Variants in ZNF761 observed in about 807,000 individuals in gnomAD.
ZNF761 encodes zinc finger protein 761.
ZNF761 carries 43 observed loss-of-function variants against 59.9 expected under a neutral mutation model. That is an observed-to-expected ratio of 0.72 (90% CI 0.56 to 0.92). The LOEUF is 0.92. Ranked by LOEUF, ZNF761 falls within the 40% of genes least tolerant of loss-of-function variation. The pLI is 0.00. For missense variants in ZNF761, 850 were observed against 906.1 expected, an observed-to-expected ratio of 0.94 and a Z score of 0.79; for synonymous variants, 294 against 304.8, an observed-to-expected ratio of 0.96 and a Z score of 0.37.
At chr19:53,436,891 T>G (rs11671854) in intron 1 of ZNF761, among the ~76,000 whole-genome samples, 12,141 of 152,206 alleles carry the variant, frequency 0.08, 859 homozygotes, top group African/African-American at 0.18. Flanking sequence ...ATAAGCAAGT[T>G]TTCACAAGGC....
At chr19:53,437,374 T>C (rs2086054585) in intron 1 of ZNF761, among the ~76,000 whole-genome samples, 1 of 152,210 alleles carries the variant, frequency 6.6e-6, no homozygotes, top group Non-Finnish European at 1.5e-5. Context: ...GTTTTTCTTA[T>C]ATGATTTTCT....
At chr19:53,445,980 G>A (rs2086155153) in intron 1 of ZNF761, among the ~76,000 whole-genome samples, 1 of 152,278 alleles carries the variant, frequency 6.6e-6, no homozygotes, top group Admixed American at 6.5e-5. Flanking sequence ...AGTCACATTT[G>A]CTTTTCTGTT....
chr19:53,457,445 A>C lies in ZNF761; in HGVS notation c.*697A>C. ...GATAGTGGCAAAGCCTTCACTTCAC[A>C]CCTCATGAGACATCAGAGAATGCAT... On this transcript the variant is annotated 3_prime_UTR_variant, in exon 5 of 5. Coordinates refer to ENST00000684525, the MANE Select transcript of ZNF761 (RefSeq NM_001289951.2). 1 of 400,978 alleles carries C rather than the reference A, an allele frequency of 2.5e-6. No individual in the cohort carries two copies. The highest frequency in any genetic ancestry group is 5.0e-6 in the Non-Finnish European group (1 of 201,750). The allele number at this position is 400,978 out of a possible 1,614,324, so 24.8% of individuals were successfully genotyped here.
chr19:53,445,982 TTTTCTGTTTTCC>T, intron 1 of ZNF761, among the ~76,000 whole-genome samples: 1 of 152,174 alleles, frequency 6.6e-6, no homozygotes, highest in South Asian at 2.1e-4. Context: ...TCACATTTGC[TTTTCTGTTTTCC>T]CAGATATCAA....
intron 1 of ZNF761, among the ~76,000 whole-genome samples, chr19:53,433,517 C>T (rs2086001280): frequency 1.9e-5 from 2 of 107,278 alleles, no homozygotes; most frequent in South Asian, 5.9e-4. Flanking sequence ...TTAACCCTTG[C>T]CTTGCCTGTT....
At chr19:53,444,812 C>T (rs544963874) in intron 1 of ZNF761, 3 of 152,260 alleles carry the variant, frequency 2.0e-5, no homozygotes, top group African/African-American at 7.2e-5. Flanking sequence ...AGCCTTCCAC[C>T]CTTTGGCACA....
At chr19:53,449,940 A>G in intron 4 of ZNF761, 1 of 548,838 alleles carries the variant, frequency 1.8e-6, no homozygotes, top group South Asian at 3.3e-5. Context: ...GATCCTCCTC[A>G]GTCTCCCAAG....
rs781387895 is a variant in ZNF761, at chr19:53,456,449, A to G, written c.1942A>G (p.Asn648Asp). 4 of 1,613,474 alleles carry G rather than the reference A, an allele frequency of 2.5e-6. No homozygotes were observed. Among genetic ancestry groups the G allele is most frequent in the South Asian group, 1.1e-5 (1 of 91,016 alleles). ...ECDKAFRVKSNLEGHRRIHTG... is the reference protein window; with the variant it reads ...ECDKAFRVKSDLEGHRRIHTG... ...TGACAAAGCTTTCCGTGTGAAATCA[A>G]ACCTTGAAGGACATAGGAGAATTCA... The change falls in exon 5 of 5, where the codon AAC becomes GAC. Residue 648 changes from asparagine (N) to aspartate (D), a missense_variant. Transcript: ENST00000684525.
chr19:53,452,797 CGAG>C (rs2086232777), intron 4 of ZNF761, among the ~76,000 whole-genome samples: 1 of 152,198 alleles, frequency 6.6e-6, no homozygotes, highest in South Asian at 2.1e-4. Flanking sequence ...GTCCTATTCA[CGAG>C]TAGTCAACAC....
intron 1 of ZNF761, among the ~76,000 whole-genome samples, chr19:53,433,026 G>A (rs368759047): frequency 6.8e-6 from 1 of 146,312 alleles, no homozygotes; most frequent in African/African-American, 2.6e-5. Flanking sequence ...GGGATCTGGG[G>A]TGCTAGAGAG....
At chr19:53,451,447 G>T (rs2086220829) in intron 4 of ZNF761, among the ~76,000 whole-genome samples, 1 of 152,134 alleles carries the variant, frequency 6.6e-6, no homozygotes, top group African/African-American at 2.4e-5. Context: ...GCCCTCAACT[G>T]ATCCACCAAC....
chr19:53,453,767 T>G (rs1458935235), intron 4 of ZNF761, among the ~76,000 whole-genome samples: 1 of 152,092 alleles, frequency 6.6e-6, no homozygotes, highest in Non-Finnish European at 1.5e-5. Context: ...TCCCAGGTAC[T>G]CAGGAGGCTG....
intron 1 of ZNF761, among the ~76,000 whole-genome samples, chr19:53,438,189 C>T (rs1369296038): frequency 2.0e-5 from 3 of 146,452 alleles, no homozygotes; most frequent in Non-Finnish European, 4.5e-5. Flanking sequence ...CATAGAAGCC[C>T]TTGGTACCAA....
intron 4 of ZNF761, among the ~76,000 whole-genome samples, chr19:53,450,992 C>CAAAA (rs34019664): frequency 2.5e-5 from 3 of 122,006 alleles, no homozygotes; most frequent in South Asian, 5.8e-4. Flanking sequence ...GACTCTGTCT[C>CAAAA]AAAAAAAAAA....
At position 53,449,566 on chromosome 19, in the gene ZNF761, T is replaced by C; in HGVS notation, c.70T>C (p.Cys24Arg). 1.2e-6 allele frequency: 2 copies of C among 1,613,716 alleles called. No homozygotes were observed. The highest frequency in any genetic ancestry group is 1.7e-4 in the Middle Eastern group (1 of 6,056). Residue 24 changes from cysteine (C) to arginine (R), a missense_variant, in exon 4 of 5, where the codon TGC (cysteine) becomes CGC (arginine). Physicochemically the swap from Cys to Arg is radical, Grantham distance 180. Coordinates refer to ENST00000684525, the MANE Select transcript of ZNF761 (RefSeq NM_001289951.2). ...AGAATTCTCTCAGGAGGAGTGGAAA[T>C]GCCTGGACCCTGCTCAGAGGACTCT... ...AIEFSQEEWK[C>R]LDPAQRTLYR...
intron 1 of ZNF761, chr19:53,441,911 C>G: frequency 1.3e-6 from 2 of 1,568,932 alleles, no homozygotes; most frequent in South Asian, 1.1e-5. Flanking sequence ...GATCCAGGTT[C>G]TGCAGCACCA....
At chr19:53,433,441 T>C (rs1292542112) in intron 1 of ZNF761, among the ~76,000 whole-genome samples, 1 of 65,164 alleles carries the variant, frequency 1.5e-5, no homozygotes, top group South Asian at 4.8e-4. Flanking sequence ...TGGAGCCCAT[T>C]TCTTTGGCTT....
chr19:53,448,712 C>G (rs1295892375), intron 3 of ZNF761, among the ~76,000 whole-genome samples: 2 of 152,010 alleles, frequency 1.3e-5, no homozygotes, highest in Admixed American at 1.3e-4. Flanking sequence ...AGGCTCAAGC[C>G]ATCCTCCTAC....
At chr19:53,437,739 A>G (rs1358968018) in intron 1 of ZNF761, among the ~76,000 whole-genome samples, 7 of 152,058 alleles carry the variant, frequency 4.6e-5, no homozygotes, top group Non-Finnish European at 7.4e-5. Flanking sequence ...TCTTCTTTGT[A>G]CTTTATTTCT....
Sources: allele counts gnomAD v4.1 joint callset (sites outside exome capture counted in the v4.1 genomes callset), GRCh38; gene constraint gnomAD v4.1.1; transcripts MANE v1.5; gene names NCBI Gene and HGNC (gene_info 2026-07-23, HGNC 2026-07-21).